The following VPS4A variants were observed in gnomAD, a reference collection of about 807,000 sequenced individuals.
VPS4A encodes vacuolar protein sorting 4 homolog A.
VPS4A carries 20 observed loss-of-function variants against 52.3 expected under a neutral mutation model. That is an observed-to-expected ratio of 0.38 (90% CI 0.27 to 0.56). VPS4A has a LOEUF of 0.56. Among genes scored for constraint, VPS4A ranks in the 20% least tolerant of loss-of-function variants. The pLI, the probability that VPS4A is intolerant of heterozygous loss-of-function variation, is 0.72. For missense variants in VPS4A, 419 were observed against 575.9 expected (o/e 0.73, Z 2.79); for synonymous variants, 293 against 227.7 (o/e 1.29, Z -2.58).
intron 1 of VPS4A, among the ~76,000 whole-genome samples, chr16:69,313,896 C>T (rs540665057): frequency 2.0e-5 from 3 of 152,086 alleles, no homozygotes; most frequent in African/African-American, 7.2e-5. Flanking sequence ...CCTTACCCTC[C>T]TGTTCTGTAA....
Position 69,316,204 on chromosome 16 carries a change from C to T in VPS4A, c.134-21C>T, listed in dbSNP as rs757759224. 5.6e-6 allele frequency: 9 copies of T among 1,613,136 alleles called. No homozygotes were observed. The Admixed American group carries it at 1.5e-4, about 27-fold the overall frequency. On this transcript the variant is annotated intron_variant, in intron 2 of 10. Transcript: ENST00000254950. ...GTGGCGCACGAGCCTCACAGGGGCCCCTCTGTGTTCCCTTTCACAGATGAG... is the reference window on the plus strand; with the variant it reads ...GTGGCGCACGAGCCTCACAGGGGCCTCTCTGTGTTCCCTTTCACAGATGAG...
intron 3 of VPS4A, among the ~76,000 whole-genome samples, chr16:69,316,593 G>A (rs1965440377): frequency 6.6e-6 from 1 of 152,172 alleles, no homozygotes; most frequent in Non-Finnish European, 1.5e-5. Flanking sequence ...GGAGCTTGGT[G>A]CAGATGGTAG....
intron 9 of VPS4A, chr16:69,322,020 A>G (rs1169639881): frequency 6.4e-6 from 1 of 156,674 alleles, no homozygotes; most frequent in African/African-American, 2.4e-5. Context: ...AATTGGCCTT[A>G]CAGTTCCACA....
intron 1 of VPS4A, among the ~76,000 whole-genome samples, chr16:69,312,106 A>C (rs1965384575): frequency 6.6e-6 from 1 of 152,110 alleles, no homozygotes; most frequent in African/African-American, 2.4e-5. Flanking sequence ...GCGGGGCCAG[A>C]AGAGATCAAC....
chr16:69,317,619 C>T (rs906714054), intron 3 of VPS4A, among the ~76,000 whole-genome samples: 9 of 152,142 alleles, frequency 5.9e-5, no homozygotes, highest in Non-Finnish European at 1.2e-4. Context: ...CGGTGAAACC[C>T]CGTCTCCACT....
chr16:69,324,996 T>G lies in VPS4A; in HGVS notation c.*687T>G, dbSNP rs1965569370. 6.6e-6 allele frequency: 1 copy of G among 152,568 alleles called. No homozygotes were observed. Among genetic ancestry groups the G allele is most frequent in the Non-Finnish European group, 1.5e-5 (1 of 68,304 alleles). 9.5% of individuals were successfully genotyped at this position (152,568 alleles called of 1,614,324 possible). ...ACTGAACCCAGCCACTGCCCCTGGG[T>G]CCCTGTCCTGGAAATGGTCTAATAA... On this transcript the variant is annotated 3_prime_UTR_variant, in exon 11 of 11. Transcript: ENST00000254950.
At chr16:69,317,426 C>T (rs933380712) in intron 3 of VPS4A, among the ~76,000 whole-genome samples, 1 of 151,782 alleles carries the variant, frequency 6.6e-6, no homozygotes, top group African/African-American at 2.4e-5. Flanking sequence ...GGGAGGCCAA[C>T]GCGGGCAGAT....
chr16:69,318,779 GCC>G, intron 4 of VPS4A, 42 bp from the exon 5 acceptor site: 7 of 1,612,316 alleles, frequency 4.3e-6, no homozygotes, highest in Non-Finnish European at 5.9e-6. Flanking sequence ...GTTGGCTCAT[GCC>G]CCTTGGCCGG....
rs959503636 is a variant in VPS4A, at chr16:69,321,531, C to T, written c.1071+261C>T. On this transcript the variant is annotated intron_variant, in intron 9 of 10. Coordinates refer to ENST00000254950, the MANE Select transcript of VPS4A (RefSeq NM_013245.3). The surrounding 1 kb of genome is among the most constrained non-coding windows in gnomAD (Gnocchi z 4.5). ...TGTCTTAACCCTGCTGCGGCCTCCT[C>T]CGTCAGCACTGTGTGCTCTTGTGCG... is the stretch of plus-strand genomic sequence containing the variant. 1.9e-6 allele frequency: 1 copy of T among 517,614 alleles called. No individual in the cohort carries two copies. The allele number at this position is 517,614 out of a possible 1,614,324, so 32.1% of individuals were successfully genotyped here.
At chr16:69,322,832 G>C in intron 10 of VPS4A, 132 bp downstream of exon 10, 2 of 1,138,270 alleles carry the variant, frequency 1.8e-6, no homozygotes. Flanking sequence ...CACTTTGGGA[G>C]GCCAGGGTGG....
rs759419372 is a variant in VPS4A at position 69,325,504 on chromosome 16, C to G, written c.*1195C>G. ...TAATCCCAGCACTTTGGGAGGCCGA[C>G]GCGGGCGGATCACAAGGTCAGGAAA... is the stretch of plus-strand genomic sequence containing the variant. On this transcript the variant is annotated 3_prime_UTR_variant, in exon 11 of 11. Transcript: ENST00000254950. 1 of 151,700 alleles carries G rather than the reference C, an allele frequency of 6.6e-6. No individual in the cohort carries two copies. Among genetic ancestry groups the G allele is most frequent in the East Asian group, 1.9e-4 (1 of 5,168 alleles). 9.4% of individuals were successfully genotyped at this position (151,700 alleles called of 1,614,324 possible).
chr16:69,315,021 G>A (rs1597211127), intron 1 of VPS4A, among the ~76,000 whole-genome samples: 1 of 152,120 alleles, frequency 6.6e-6, no homozygotes, highest in East Asian at 1.9e-4. Context: ...ATCACTTGAT[G>A]TCAGGAGTTC....
Position 69,322,404 on chromosome 16 carries a change from G to C in VPS4A, c.1072-156G>C, listed in dbSNP as rs530473169. On this transcript the variant is annotated intron_variant, in intron 9 of 10. Coordinates refer to ENST00000254950, the MANE Select transcript of VPS4A (RefSeq NM_013245.3). Reference sequence around the variant, plus strand: ...CAGAGTCCCATGCAAATCATGAGTCGCTCGGACCACCCAGCCCGAGTTCTG... The same window carrying C: ...CAGAGTCCCATGCAAATCATGAGTCCCTCGGACCACCCAGCCCGAGTTCTG... 3.3e-5 allele frequency: 23 copies of C among 697,332 alleles called. 1 individual carries two copies. In the South Asian group the frequency reaches 4.9e-4, roughly 15 times the overall value. 43.2% of individuals were successfully genotyped at this position (697,332 alleles called of 1,614,324 possible).
chr16:69,311,612 T>C, intron 1 of VPS4A, 80 bp downstream of exon 1: 1 of 1,213,758 alleles, frequency 8.2e-7, no homozygotes, highest in Non-Finnish European at 1.0e-6. Context: ...GGCGGGCGGG[T>C]GGTCAGGTGG....
At chr16:69,314,826 C>T (rs142748941) in intron 1 of VPS4A, among the ~76,000 whole-genome samples, 4 of 152,026 alleles carry the variant, frequency 2.6e-5, no homozygotes, top group Non-Finnish European at 4.4e-5. Flanking sequence ...CGTGGGTCTG[C>T]GGTGGGACTG....
intron 3 of VPS4A, among the ~76,000 whole-genome samples, chr16:69,316,885 T>C (rs1965443630): frequency 6.6e-6 from 1 of 152,334 alleles, no homozygotes; most frequent in East Asian, 1.9e-4. Context: ...AGGATGGAAC[T>C]TGGACCCCCA....
chr16:69,324,366 C>T lies in VPS4A; in HGVS notation c.*57C>T. The T allele has an allele frequency of 1.3e-6, 2 of 1,541,878 alleles. No individual in the cohort carries two copies. The highest frequency in any genetic ancestry group is 2.3e-5 in the South Asian group (2 of 86,558). On this transcript the variant is annotated 3_prime_UTR_variant, in exon 11 of 11. Coordinates refer to ENST00000254950, the MANE Select transcript of VPS4A (RefSeq NM_013245.3). Reference sequence around the variant, plus strand: ...GGAGGTTGATTGGGGCAAATCCAGGCACTCCCCATGTCAACAGCCAGACAG... The same window carrying T: ...GGAGGTTGATTGGGGCAAATCCAGGTACTCCCCATGTCAACAGCCAGACAG...
Position 69,324,573 on chromosome 16 carries a change from C to T in VPS4A, c.*264C>T, listed in dbSNP as rs1390595807. 1.2e-5 allele frequency: 5 copies of T among 429,326 alleles called. No individual in the cohort carries two copies. Among genetic ancestry groups the T allele is most frequent in the South Asian group, 3.3e-5 (1 of 30,608 alleles). The allele number at this position is 429,326 out of a possible 1,614,324, so 26.6% of individuals were successfully genotyped here. On this transcript the variant is annotated 3_prime_UTR_variant, in exon 11 of 11. Transcript: ENST00000254950. ...TCATCAGCTCCTTCTGCCTCCCCCCCTTTTTTTTCCATCTTTTGTTCCCCT... is the reference window on the plus strand; with the variant it reads ...TCATCAGCTCCTTCTGCCTCCCCCCTTTTTTTTTCCATCTTTTGTTCCCCT...
chr16:69,321,157 C>T lies in VPS4A; in HGVS notation c.958C>T (p.His320Tyr). The T allele has an allele frequency of 1.3e-6, 2 of 1,582,908 alleles. No individual in the cohort carries two copies. Among genetic ancestry groups the T allele is most frequent in the South Asian group, 2.3e-5 (2 of 86,134 alleles). The change falls in exon 9 of 11, where the codon CAC (histidine) becomes TAC (tyrosine). Residue 320 changes from histidine to tyrosine, a missense_variant. By Grantham distance (83) the His-to-Tyr change is moderately conservative. Coordinates refer to ENST00000254950, the MANE Select transcript of VPS4A (RefSeq NM_013245.3). The surrounding 1 kb of genome is among the most constrained non-coding windows in gnomAD (Gnocchi z 4.5). The part of the protein sequence containing the change: ...TPHNLTDANI[H>Y]ELARKTEGYS... ...CCACAACCTCACGGATGCAAACATC[C>T]ACGAGCTGGCCCGGAAGACGGAAGG...
Sources: gnomAD v4.1 joint callset for allele counts (sites outside exome capture counted in the v4.1 genomes callset) on GRCh38, gnomAD v4.1.1 for gene constraint, Gnocchi (gnomAD v3.1) non-coding constraint, MANE v1.5 for transcripts, NCBI Gene and HGNC (gene_info 2026-07-23, HGNC 2026-07-21) for gene names.